GALNT17: variants seen among roughly 807,000 people sequenced by gnomAD.
The protein encoded by GALNT17 is UDP-GalNAc:polypeptide N-acetylgalactosaminyltransferase-like 3.
Under a neutral mutation model 63.7 loss-of-function variants are expected in GALNT17, and 29 were observed. The observed-to-expected ratio is 0.46, with a 90% confidence interval of 0.34 to 0.62. The LOEUF is 0.62. GALNT17 is among the 20% of genes least tolerant of loss of function. The pLI is 0.01. For synonymous variants in GALNT17, 305 were observed against 318.3 expected (o/e 0.96, Z 0.45); for missense variants, 603 against 799.6 (o/e 0.75, Z 2.97).
At position 71,608,783 on chromosome 7, in the gene GALNT17, A is replaced by T. The variant is rs1324888326; in HGVS notation, c.1080+37381A>T. On this transcript the variant is annotated intron_variant, in intron 6 of 10. Coordinates refer to ENST00000333538, the MANE Select transcript of GALNT17 (RefSeq NM_022479.3). The stretch of plus-strand genomic sequence containing the variant: ...GAACTGGGAATCCTTTATTATTAAT[A>T]ATTATTATTATTAGAAATGGGGTCT... Among the ~76,000 whole-genome samples the T allele has an allele frequency of 2.6e-5, 4 of 151,838 alleles. 1 individual carries two copies. The highest frequency in any genetic ancestry group is 4.2e-4 in the South Asian group (2 of 4,804).
chr7:71,147,730 C>G (rs182452447), intron 1 of GALNT17, among the ~76,000 whole-genome samples: 2 of 152,140 alleles, frequency 1.3e-5, no homozygotes, highest in Non-Finnish European at 2.9e-5. Flanking sequence ...CTCCCAGGTT[C>G]CATCGATTCT....
intron 1 of GALNT17, among the ~76,000 whole-genome samples, chr7:71,258,239 A>G (rs1195861315): frequency 1.3e-5 from 2 of 152,220 alleles, no homozygotes; most frequent in Non-Finnish European, 2.9e-5. Context: ...ATCTGTGTCA[A>G]CAAGAAGCAT....
At chr7:71,444,719 C>T (rs1787129062) in intron 5 of GALNT17, among the ~76,000 whole-genome samples, 1 of 152,128 alleles carries the variant, frequency 6.6e-6, no homozygotes, top group Admixed American at 6.6e-5. Flanking sequence ...CCCAGCTACT[C>T]AGGAGGCTGA....
chr7:71,229,219 C>T (rs950240984), intron 1 of GALNT17, among the ~76,000 whole-genome samples: 1 of 152,192 alleles, frequency 6.6e-6, no homozygotes, highest in African/African-American at 2.4e-5. Context: ...TGTGGCCCAG[C>T]GCTCAGATGG....
At chr7:71,435,798 T>TC (rs1201107285) in intron 5 of GALNT17, among the ~76,000 whole-genome samples, 2 of 152,056 alleles carry the variant, frequency 1.3e-5, no homozygotes, top group African/African-American at 4.8e-5. Flanking sequence ...GACCGGTGGA[T>TC]CATGGGGTCA....
At chr7:71,181,125 G>C (rs3973937) in intron 1 of GALNT17, among the ~76,000 whole-genome samples, 39,913 of 151,614 alleles carry the variant, frequency 0.26, 9,770 homozygotes, top group African/African-American at 0.66. Context: ...TGTGGTGGTG[G>C]ACACCTATAG....
chr7:71,198,197 C>CAA (rs755388218), intron 1 of GALNT17, among the ~76,000 whole-genome samples: 1,337 of 76,972 alleles, frequency 0.017, 20 homozygotes, highest in African/African-American at 0.053. Context: ...GACTCTGTCT[C>CAA]AAAAAAAAAA....
intron 5 of GALNT17, among the ~76,000 whole-genome samples, chr7:71,551,305 T>C (rs952664104): frequency 6.6e-6 from 1 of 152,180 alleles, no homozygotes; most frequent in Non-Finnish European, 1.5e-5. Context: ...TTTTCCTTTT[T>C]CAAATATGTT....
chr7:71,444,563 C>T (rs1212169655), intron 5 of GALNT17, among the ~76,000 whole-genome samples: 1 of 152,198 alleles, frequency 6.6e-6, no homozygotes, highest in African/African-American at 2.4e-5. Flanking sequence ...GGGCCGGGTG[C>T]AGTGGCTCAC....
chr7:71,465,347 AC>A (rs1280329647), intron 5 of GALNT17, among the ~76,000 whole-genome samples: 3 of 152,226 alleles, frequency 2.0e-5, no homozygotes, highest in Non-Finnish European at 4.4e-5. Context: ...AAAGTAGTTA[AC>A]CTAAAAGATA....
At chr7:71,584,816 G>A (rs976775384) in intron 6 of GALNT17, among the ~76,000 whole-genome samples, 3 of 151,794 alleles carry the variant, frequency 2.0e-5, no homozygotes, top group Non-Finnish European at 1.5e-5. Flanking sequence ...GTGCAGTGGC[G>A]CGATCTCCAC....
intron 7 of GALNT17, among the ~76,000 whole-genome samples, chr7:71,666,954 C>A (rs1790994768): frequency 6.6e-6 from 1 of 152,220 alleles, no homozygotes; most frequent in Non-Finnish European, 1.5e-5. Context: ...ATAGCAGATT[C>A]TCCTTCTTGG....
chr7:71,264,385 A>G (rs893177798), intron 1 of GALNT17, among the ~76,000 whole-genome samples: 1 of 152,076 alleles, frequency 6.6e-6, no homozygotes, highest in Non-Finnish European at 1.5e-5. Context: ...CCTGGGTTGT[A>G]CCTGAGGGGG....
rs544914177 is a variant in GALNT17, at chr7:71,586,804, A to G, written c.1080+15402A>G. Among the ~76,000 whole-genome samples, 37 of 152,226 alleles carry G rather than the reference A, an allele frequency of 2.4e-4. No individual in the cohort carries two copies. The South Asian group carries it at 7.5e-3, about 31-fold the overall frequency. On this transcript the variant is annotated intron_variant, in intron 6 of 10. Transcript: ENST00000333538. ...AATTTAATATGTTCATATAATTTGT[A>G]AAGATCAAGTCAGTGTAATTGAGAT...
intron 6 of GALNT17, among the ~76,000 whole-genome samples, chr7:71,662,547 T>C (rs1460991879): frequency 2.0e-5 from 3 of 152,142 alleles, no homozygotes; most frequent in African/African-American, 7.2e-5. Context: ...TCACTCTACC[T>C]TCCTCCAGCC....
At chr7:71,494,257 C>T (rs1788057848) in intron 5 of GALNT17, among the ~76,000 whole-genome samples, 1 of 152,106 alleles carries the variant, frequency 6.6e-6, no homozygotes, top group African/African-American at 2.4e-5. Flanking sequence ...TAGGGGAAAT[C>T]ACCCCATGAT....
intron 5 of GALNT17, among the ~76,000 whole-genome samples, chr7:71,534,443 CA>C (rs1195150605): frequency 1.3e-5 from 2 of 151,646 alleles, no homozygotes; most frequent in Non-Finnish European, 2.9e-5. Flanking sequence ...ACTAAAAATA[CA>C]AAAAATTAGC....
chr7:71,593,870 GC>G (rs1789848517), intron 6 of GALNT17, among the ~76,000 whole-genome samples: 1 of 152,112 alleles, frequency 6.6e-6, no homozygotes, highest in South Asian at 2.1e-4. Flanking sequence ...ATTTTTCTAA[GC>G]TTGCTTTTAG....
chr7:71,445,004 G>A (rs776805053), intron 5 of GALNT17, among the ~76,000 whole-genome samples: 1 of 152,072 alleles, frequency 6.6e-6, no homozygotes, highest in South Asian at 2.1e-4. Context: ...TGGAGGGAAA[G>A]TGACAGGAGG....
Sources: allele counts gnomAD v4.1 joint callset (sites outside exome capture counted in the v4.1 genomes callset), GRCh38; gene constraint gnomAD v4.1.1; transcripts MANE v1.5; gene names NCBI Gene and HGNC (gene_info 2026-07-23, HGNC 2026-07-21).